The following EPC2 variants were observed in gnomAD, a reference collection of about 807,000 sequenced individuals.
EPC2 encodes enhancer of polycomb homolog 2.
EPC2 carries 14 observed loss-of-function variants against 92.1 expected under a neutral mutation model. That is an observed-to-expected ratio of 0.15 (90% CI 0.10 to 0.24). The LOEUF is 0.24. EPC2 is among the 10% of genes least tolerant of loss of function. EPC2 has a pLI of 1.00. For synonymous variants in EPC2, 340 were observed against 334.7 expected (o/e 1.02, Z -0.17); for missense variants, 755 against 971.5 (o/e 0.78, Z 2.96).
intron 3 of EPC2, among the ~76,000 whole-genome samples, chr2:148,748,508 T>C (rs975636485): frequency 2.6e-5 from 4 of 152,130 alleles, no homozygotes; most frequent in African/African-American, 9.7e-5. Flanking sequence ...TGTTCCACAA[T>C]GTTACACAGG....
chr2:148,726,785 T>C (rs548734505), intron 2 of EPC2, among the ~76,000 whole-genome samples: 2 of 150,542 alleles, frequency 1.3e-5, no homozygotes, highest in Non-Finnish European at 3.0e-5. Context: ...TTTTTGCGTT[T>C]TTTTGTTTTT....
At chr2:148,771,484 C>A in intron 10 of EPC2, 97 bp downstream of exon 10, 3 of 1,180,406 alleles carry the variant, frequency 2.5e-6, no homozygotes, top group Non-Finnish European at 3.6e-6. Context: ...ATTTTTTTTC[C>A]AACCTAAGAA....
intron 1 of EPC2, among the ~76,000 whole-genome samples, chr2:148,650,961 A>G: frequency 6.6e-6 from 1 of 152,332 alleles, no homozygotes; most frequent in South Asian, 2.1e-4. Context: ...AATTTCATAG[A>G]ACTTAAATGA....
chr2:148,769,712 T>G (rs1683479422), intron 8 of EPC2, among the ~76,000 whole-genome samples: 1 of 152,234 alleles, frequency 6.6e-6, no homozygotes, highest in Admixed American at 6.5e-5. Flanking sequence ...ATTGTATTCA[T>G]AACTTTTTGA....
intron 5 of EPC2, 66 bp downstream of exon 5, chr2:148,761,996 A>C: frequency 1.4e-6 from 2 of 1,385,236 alleles, no homozygotes; most frequent in Non-Finnish European, 9.7e-7. Context: ...AATGAACCAA[A>C]AGATTTTTAG....
At chr2:148,747,314 A>G (rs1046701519) in intron 3 of EPC2, among the ~76,000 whole-genome samples, 5 of 151,360 alleles carry the variant, frequency 3.3e-5, no homozygotes, top group Admixed American at 6.6e-5. Flanking sequence ...ACTACCTTTT[A>G]CTCCTGTAGA....
In EPC2 at chr2:148,770,867, T is replaced by G; in HGVS notation, c.1306T>G (p.Cys436Gly). ...TTTGGATAAGTTGAGGTATAGGCAT[T>G]GCCTTACAACACTTACAGTCCCAAG... ...ADLDKLRYRH[C>G]LTTLTVPRRC... Residue 436 changes from cysteine (C) to glycine (G), a missense_variant, in exon 9 of 14, where the codon TGC becomes GGC. Coordinates refer to ENST00000258484, the MANE Select transcript of EPC2 (RefSeq NM_015630.4). The G allele has an allele frequency of 6.2e-7, 1 of 1,613,934 alleles. No individual in the cohort carries two copies. The highest frequency in any genetic ancestry group is 1.7e-5 in the Admixed American group (1 of 60,004).
At chr2:148,695,503 C>T (rs1271900212) in intron 2 of EPC2, among the ~76,000 whole-genome samples, 1 of 152,224 alleles carries the variant, frequency 6.6e-6, no homozygotes, top group African/African-American at 2.4e-5. Flanking sequence ...TAAAGTGGAC[C>T]TGTGTATACC....
At chr2:148,700,084 A>C (rs926003333) in intron 2 of EPC2, among the ~76,000 whole-genome samples, 5 of 151,662 alleles carry the variant, frequency 3.3e-5, no homozygotes, top group African/African-American at 1.2e-4. Flanking sequence ...TGCTTGTTTT[A>C]TTGTTGAGTT....
At chr2:148,744,820 T>G (rs904797428) in intron 3 of EPC2, among the ~76,000 whole-genome samples, 1 of 152,066 alleles carries the variant, frequency 6.6e-6, no homozygotes, top group African/African-American at 2.4e-5. Flanking sequence ...AAGTTAGAGT[T>G]GCAAATAAAC....
intron 1 of EPC2, among the ~76,000 whole-genome samples, chr2:148,654,592 A>G (rs1207144756): frequency 1.3e-5 from 2 of 152,136 alleles, no homozygotes; most frequent in Non-Finnish European, 2.9e-5. Context: ...CGGGAATTCA[A>G]GGCTGCAGTG....
chr2:148,729,031 C>CAAAAA (rs376309552), intron 2 of EPC2, among the ~76,000 whole-genome samples: 3 of 63,646 alleles, frequency 4.7e-5, no homozygotes, highest in African/African-American at 7.3e-5. Flanking sequence ...AACTCCATCT[C>CAAAAA]AAAAAAAAAA....
At chr2:148,668,646 G>C (rs543837565) in intron 1 of EPC2, among the ~76,000 whole-genome samples, 21 of 152,274 alleles carry the variant, frequency 1.4e-4, no homozygotes, top group African/African-American at 4.6e-4. Context: ...TCCCAAGTGA[G>C]CTTTGATTAC....
At chr2:148,722,901 A>G (rs573470843) in intron 2 of EPC2, among the ~76,000 whole-genome samples, 85 of 152,304 alleles carry the variant, frequency 5.6e-4, no homozygotes, top group Admixed American at 8.5e-4. Context: ...CCATTATCCT[A>G]AGTAAACTAA....
intron 2 of EPC2, among the ~76,000 whole-genome samples, chr2:148,721,712 C>CTTTTTTTTTTTTTTTTTT (rs34017461): frequency 2.7e-5 from 3 of 111,514 alleles, no homozygotes; most frequent in African/African-American, 7.0e-5. Flanking sequence ...CTGTTTTATT[C>CTTTTTTTTTTTTTTTTTT]TTTTTTTTTT....
At chr2:148,672,059 C>G (rs1482388114) in intron 1 of EPC2, among the ~76,000 whole-genome samples, 1 of 152,092 alleles carries the variant, frequency 6.6e-6, no homozygotes, top group Non-Finnish European at 1.5e-5. Context: ...GTAAAATTCT[C>G]CAGTGAAGCC....
At chr2:148,771,439 T>A in intron 10 of EPC2, 52 bp downstream of exon 10, 1 of 1,449,766 alleles carries the variant, frequency 6.9e-7, no homozygotes, top group Non-Finnish European at 9.3e-7. Flanking sequence ...TTTACTTAAT[T>A]TTATTGGGAA....
intron 2 of EPC2, among the ~76,000 whole-genome samples, chr2:148,721,700 T>G (rs902521742): frequency 2.8e-5 from 4 of 143,688 alleles, no homozygotes; most frequent in Admixed American, 7.4e-5. Flanking sequence ...TTTAGTAGTA[T>G]TCTGTTTTAT....
intron 3 of EPC2, among the ~76,000 whole-genome samples, chr2:148,748,540 T>C (rs1383090066): frequency 2.0e-5 from 3 of 152,124 alleles, no homozygotes; most frequent in Non-Finnish European, 4.4e-5. Flanking sequence ...TTATCCAAAA[T>C]GTTTGGGACC....
Sources: allele counts gnomAD v4.1 joint callset (sites outside exome capture counted in the v4.1 genomes callset), GRCh38; gene constraint gnomAD v4.1.1; transcripts MANE v1.5; gene names NCBI Gene and HGNC (gene_info 2026-07-23, HGNC 2026-07-21).